UBAP2: variants seen among roughly 807,000 people sequenced by gnomAD.
UBAP2 encodes ubiquitin-associated protein 2.
UBAP2 carries 75 observed loss-of-function variants against 139.6 expected under a neutral mutation model. The ratio of observed to expected loss-of-function variants is 0.54; its 90% CI spans 0.45 to 0.65. UBAP2 has a LOEUF of 0.65. UBAP2 is among the 30% of genes least tolerant of loss of function. UBAP2 has a pLI of 0.00. For synonymous variants in UBAP2, 526 were observed against 526.2 expected, an observed-to-expected ratio of 1.00 and a Z score of 0.01; for missense variants, 1,368 against 1,369.6, an observed-to-expected ratio of 1.00 and a Z score of 0.02.
chr9:33,958,032 T>G (rs1161902890), intron 10 of UBAP2, among the ~76,000 whole-genome samples: 1 of 152,142 alleles, frequency 6.6e-6, no homozygotes, highest in East Asian at 1.9e-4. Flanking sequence ...TGAGGCTCAC[T>G]GCAGCTACAA....
At chr9:33,945,831 T>C (rs7034455) in intron 13 of UBAP2, among the ~76,000 whole-genome samples, 19,282 of 152,240 alleles carry the variant, frequency 0.13, 1,558 homozygotes, top group African/African-American at 0.22. Flanking sequence ...ACCAGTACTA[T>C]ATTAATGGAC....
chr9:33,940,608 G>A (rs77924219), intron 16 of UBAP2, among the ~76,000 whole-genome samples: 6,559 of 152,186 alleles, frequency 0.043, 196 homozygotes, highest in Admixed American at 0.069. Context: ...GTGATACCCC[G>A]TCTCTAAACA....
intron 8 of UBAP2, among the ~76,000 whole-genome samples, chr9:33,964,882 A>G (rs1352539458): frequency 1.3e-5 from 2 of 152,172 alleles, no homozygotes; most frequent in Non-Finnish European, 1.5e-5. Context: ...AGGCATGTAT[A>G]TGAGTACCTG....
At chr9:34,045,615 G>A (rs1230991673) in intron 1 of UBAP2, among the ~76,000 whole-genome samples, 1 of 151,846 alleles carries the variant, frequency 6.6e-6, no homozygotes, top group Non-Finnish European at 1.5e-5. Context: ...CTCGTGACCC[G>A]CCCGCCTCCG....
chr9:33,934,362 CATT>C (rs1564018825), intron 17 of UBAP2: 1 of 155,742 alleles, frequency 6.4e-6, no homozygotes, highest in Non-Finnish European at 1.5e-5. Context: ...AATAAAACAT[CATT>C]GTCTTTTCCA....
intron 2 of UBAP2, among the ~76,000 whole-genome samples, chr9:34,002,376 GC>G (rs1266100990): frequency 1.2e-4 from 13 of 107,750 alleles, no homozygotes; most frequent in African/African-American, 3.7e-4. Context: ...CTGCATAGGT[GC>G]TTTTTTTTTT....
At position 33,944,659 on chromosome 9, in the gene UBAP2, A is replaced by G. The variant is rs371246921; in HGVS notation, c.1271-20T>C. On this transcript the variant is annotated intron_variant, in intron 13 of 28. Transcript: ENST00000379238. The stretch of plus-strand genomic sequence containing the variant: ...TGAAGTCTAAAAAAAGTAAGCAGCA[A>G]TTAATGAGGCATAATGGCTTCACAA... 7.2e-5 allele frequency: 116 copies of G among 1,609,068 alleles called. No homozygotes were observed. Among genetic ancestry groups the G allele is most frequent in the Non-Finnish European group, 8.1e-5 (95 of 1,176,246 alleles).
intron 2 of UBAP2, among the ~76,000 whole-genome samples, chr9:34,004,554 G>C (rs555707921): frequency 1.4e-5 from 2 of 147,404 alleles, no homozygotes; most frequent in Non-Finnish European, 3.0e-5. Flanking sequence ...AGGCCAAGGC[G>C]GGTGGATCAC....
chr9:34,041,428 G>A (rs572183234), intron 1 of UBAP2, among the ~76,000 whole-genome samples: 1 of 141,590 alleles, frequency 7.1e-6, no homozygotes, highest in African/African-American at 2.7e-5. Context: ...TCGCACCATT[G>A]CACTCTAGCC....
At chr9:33,946,067 C>A (rs1825630885) in intron 13 of UBAP2, among the ~76,000 whole-genome samples, 2 of 152,120 alleles carry the variant, frequency 1.3e-5, no homozygotes. Flanking sequence ...TTTTGAATCT[C>A]CTGGTTTAAT....
chr9:33,943,310 A>G, intron 15 of UBAP2, 110 bp downstream of exon 15: 1 of 1,072,732 alleles, frequency 9.3e-7, no homozygotes, highest in Middle Eastern at 2.7e-4. Context: ...AGATGATGGA[A>G]GGTCTGGATA....
chr9:34,029,589 A>T (rs948949730), intron 1 of UBAP2, among the ~76,000 whole-genome samples: 1 of 151,656 alleles, frequency 6.6e-6, no homozygotes, highest in Non-Finnish European at 1.5e-5. Context: ...TAATCCCAAT[A>T]CTTTGGGAGG....
chr9:33,942,741 AG>A (rs200343274), intron 15 of UBAP2, among the ~76,000 whole-genome samples: 1 of 150,890 alleles, frequency 6.6e-6, no homozygotes. Context: ...AAAAAAAAAA[AG>A]AAAAGAAAAG....
chr9:33,994,044 A>G (rs1821943233), intron 4 of UBAP2, among the ~76,000 whole-genome samples: 1 of 151,916 alleles, frequency 6.6e-6, no homozygotes, highest in Non-Finnish European at 1.5e-5. Flanking sequence ...GCAGGCGCCC[A>G]CCACCACACC....
intron 16 of UBAP2, among the ~76,000 whole-genome samples, chr9:33,938,513 T>C (rs999753611): frequency 6.6e-6 from 1 of 152,172 alleles, no homozygotes; most frequent in Non-Finnish European, 1.5e-5. Context: ...CAGCTTGTCA[T>C]TGGCCGGGCG....
rs1452412553 is a variant in UBAP2, at chr9:33,973,173, TATCA to T, written c.575+6_575+9del. On this transcript the variant is annotated splice_donor_region_variant and intron_variant, in intron 7 of 28. Coordinates refer to ENST00000379238, the MANE Select transcript of UBAP2 (RefSeq NM_001370062.2). Reference sequence around the variant, plus strand: ...TAAATAATTATAAAAATAGGATGGCTATCACTTACCCCATGCCTTGGGTTGAGAA... The same window carrying T: ...TAAATAATTATAAAAATAGGATGGCTCTTACCCCATGCCTTGGGTTGAGAA... 1.2e-6 allele frequency: 2 copies of T among 1,613,250 alleles called. No homozygotes were observed. Among genetic ancestry groups the T allele is most frequent in the East Asian group, 4.5e-5 (2 of 44,864 alleles).
chr9:33,952,430 ACT>A (rs1826180870), intron 12 of UBAP2, among the ~76,000 whole-genome samples: 2 of 152,204 alleles, frequency 1.3e-5, no homozygotes, highest in Non-Finnish European at 2.9e-5. Context: ...ACTAAATGAC[ACT>A]GTTTCAATAA....
chr9:33,924,024 C>T, intron 23 of UBAP2, 24 bp from the exon 24 acceptor site: 1 of 1,612,284 alleles, frequency 6.2e-7, no homozygotes. Context: ...CTGACTCCAG[C>T]CACTGCCCTT....
intron 12 of UBAP2, among the ~76,000 whole-genome samples, chr9:33,951,462 T>A (rs1443772560): frequency 6.8e-6 from 1 of 147,140 alleles, no homozygotes; most frequent in Non-Finnish European, 1.5e-5. Flanking sequence ...TTCTCTTGAC[T>A]CAGCCTCCCA....
Sources: allele counts gnomAD v4.1 joint callset (sites outside exome capture counted in the v4.1 genomes callset), GRCh38; gene constraint gnomAD v4.1.1; transcripts MANE v1.5; gene names NCBI Gene and HGNC (gene_info 2026-07-23, HGNC 2026-07-21).